GPBP1L1: variants seen among roughly 807,000 people sequenced by gnomAD.
The protein encoded by GPBP1L1 is GC-rich promoter binding protein 1 like 1, also known as vasculin-like protein 1.
Under a neutral mutation model 52.5 loss-of-function variants are expected in GPBP1L1, and 23 were observed. The ratio of observed to expected loss-of-function variants is 0.44; its 90% confidence interval spans 0.32 to 0.62. The LOEUF is 0.62. GPBP1L1 is among the 20% of genes least tolerant of loss of function. The pLI, the probability that GPBP1L1 is intolerant of heterozygous loss-of-function variation, is 0.06. For synonymous variants in GPBP1L1, 243 were observed against 203.1 expected, an observed-to-expected ratio of 1.20 and a Z score of -1.67; for missense variants, 596 against 579.3, an observed-to-expected ratio of 1.03 and a Z score of -0.30.
intron 2 of GPBP1L1, among the ~76,000 whole-genome samples, chr1:45,672,538 CAT>C (rs58513245): frequency 0.28 from 42,919 of 151,892 alleles, 6,169 homozygotes; most frequent in South Asian, 0.36. Context: ...TTTTTATACA[CAT>C]GTTAACTTTT....
chr1:45,649,925 G>A (rs1215958555), intron 6 of GPBP1L1, among the ~76,000 whole-genome samples: 1 of 152,096 alleles, frequency 6.6e-6, no homozygotes, highest in Non-Finnish European at 1.5e-5. Context: ...TTTTTCTACA[G>A]AGTCCTTAGG....
chr1:45,673,892 C>T (rs1645106567), intron 2 of GPBP1L1, among the ~76,000 whole-genome samples: 1 of 152,050 alleles, frequency 6.6e-6, no homozygotes, highest in Admixed American at 6.6e-5. Flanking sequence ...TTTTCTACAA[C>T]AAAGAACCCT....
intron 8 of GPBP1L1, among the ~76,000 whole-genome samples, chr1:45,639,758 GTA>G (rs1644646446): frequency 6.6e-6 from 1 of 151,978 alleles, no homozygotes; most frequent in East Asian, 1.9e-4. Flanking sequence ...GCGGGCGCCT[GTA>G]GTCCCAGCTA....
chr1:45,632,593 G>A (rs1049717675), intron 10 of GPBP1L1, among the ~76,000 whole-genome samples: 1 of 152,126 alleles, frequency 6.6e-6, no homozygotes, highest in African/African-American at 2.4e-5. Flanking sequence ...GCGGGTGCCT[G>A]TAATCCCAGC....
rs931037291 is a variant in GPBP1L1, at chr1:45,673,600, G to A, written c.-1098+11976C>T. On this transcript the variant is annotated intron_variant, in intron 2 of 12. Coordinates refer to ENST00000355105, the MANE Select transcript of GPBP1L1 (RefSeq NM_021639.5). Reference sequence around the variant, plus strand: ...TTTTCGGCTGGGCGCGGTGGCTCACGCCTGTAATCCCAGCACTTTGGGAGG... The same window carrying A: ...TTTTCGGCTGGGCGCGGTGGCTCACACCTGTAATCCCAGCACTTTGGGAGG... Among the ~76,000 whole-genome samples, 5 of 152,262 alleles carry A rather than the reference G, an allele frequency of 3.3e-5. No individual in the cohort carries two copies. In the South Asian group the frequency reaches 6.2e-4, roughly 19 times the overall value.
intron 2 of GPBP1L1, among the ~76,000 whole-genome samples, chr1:45,668,854 G>A (rs968558208): frequency 7.3e-6 from 1 of 137,298 alleles, no homozygotes; most frequent in Non-Finnish European, 1.6e-5. Context: ...GCGCCTACTT[G>A]GGAGGCTGAG....
chr1:45,666,638 G>A (rs1192172753), intron 2 of GPBP1L1, among the ~76,000 whole-genome samples: 2 of 152,154 alleles, frequency 1.3e-5, no homozygotes, highest in Non-Finnish European at 2.9e-5. Flanking sequence ...GTAAAATGGT[G>A]CAGCTACTGT....
chr1:45,665,091 C>T (rs1644993802), intron 2 of GPBP1L1, among the ~76,000 whole-genome samples: 2 of 151,930 alleles, frequency 1.3e-5, no homozygotes, highest in East Asian at 2.0e-4. Flanking sequence ...GAGTTCGAGA[C>T]CAGCCTGGCC....
At chr1:45,654,459 G>A (rs1275305163) in intron 6 of GPBP1L1, 84 bp downstream of exon 6, 1 of 1,258,286 alleles carries the variant, frequency 7.9e-7, no homozygotes, top group African/African-American at 1.5e-5. Flanking sequence ...TGTAATTTCT[G>A]AAATGTTCTC....
rs866907854 is a variant in GPBP1L1, at chr1:45,665,216, G to T, written c.-1097-3991C>A. On this transcript the variant is annotated intron_variant, in intron 2 of 12. Coordinates refer to ENST00000355105, the MANE Select transcript of GPBP1L1 (RefSeq NM_021639.5). ...GAGGCAGGAGAATTGCTTGAACTCG[G>T]GAGGTTGAAGTGAGCCGAGATCACG... 2.8e-4 allele frequency among the ~76,000 whole-genome samples: 42 copies of T among 152,096 alleles called. 1 individual carries two copies. The Middle Eastern group carries it at 0.034, about 123-fold the overall frequency.
intron 2 of GPBP1L1, among the ~76,000 whole-genome samples, chr1:45,663,619 A>G (rs1037011649): frequency 4.6e-5 from 7 of 152,246 alleles, no homozygotes; most frequent in South Asian, 2.1e-4. Flanking sequence ...GAGATGCGCC[A>G]TAAGTGGGGA....
chr1:45,652,142 A>G (rs1042390933), intron 6 of GPBP1L1, among the ~76,000 whole-genome samples: 3 of 152,220 alleles, frequency 2.0e-5, no homozygotes. Context: ...ATGTTAGGTG[A>G]TATTAACACT....
intron 2 of GPBP1L1, among the ~76,000 whole-genome samples, chr1:45,676,551 A>C (rs1347468471): frequency 6.6e-6 from 1 of 151,808 alleles, no homozygotes; most frequent in Non-Finnish European, 1.5e-5. Context: ...TCTACTAAAA[A>C]TACAAAAAAT....
intron 3 of GPBP1L1, among the ~76,000 whole-genome samples, chr1:45,659,716 G>C (rs1339528629): frequency 2.0e-5 from 3 of 152,164 alleles, no homozygotes. Flanking sequence ...GGCCGAGGTG[G>C]ATCGCTTGAG....
chr1:45,640,154 T>C, intron 8 of GPBP1L1, 56 bp downstream of exon 8: 1 of 1,393,972 alleles, frequency 7.2e-7, no homozygotes, highest in Non-Finnish European at 9.9e-7. Context: ...AATTTTTTCC[T>C]GATTTATTCC....
chr1:45,672,255 G>A (rs573565617), intron 2 of GPBP1L1, among the ~76,000 whole-genome samples: 3 of 151,840 alleles, frequency 2.0e-5, no homozygotes, highest in East Asian at 3.9e-4. Flanking sequence ...CCAACTACTC[G>A]GGAGGCTGAG....
At chr1:45,671,088 C>G (rs1645069029) in intron 2 of GPBP1L1, among the ~76,000 whole-genome samples, 1 of 152,062 alleles carries the variant, frequency 6.6e-6, no homozygotes, top group Non-Finnish European at 1.5e-5. Context: ...GCCACCGCGC[C>G]CGGACTACCA....
At chr1:45,659,523 C>A (rs1284731661) in intron 3 of GPBP1L1, among the ~76,000 whole-genome samples, 2 of 152,046 alleles carry the variant, frequency 1.3e-5, no homozygotes, top group South Asian at 4.2e-4. Context: ...ATGAAGGAAG[C>A]TAATGAATTC....
chr1:45,680,611 C>T (rs1033868997), intron 2 of GPBP1L1, among the ~76,000 whole-genome samples: 7 of 152,050 alleles, frequency 4.6e-5, no homozygotes, highest in Non-Finnish European at 2.9e-5. Flanking sequence ...ATGAGCTTCA[C>T]TTCCAATGCA....
Sources: gnomAD v4.1 joint callset for allele counts (sites outside exome capture counted in the v4.1 genomes callset) on GRCh38, gnomAD v4.1.1 for gene constraint, MANE v1.5 for transcripts, NCBI Gene and HGNC (gene_info 2026-07-23, HGNC 2026-07-21) for gene names.